Variants in KHDRBS2 observed in about 807,000 individuals in gnomAD.
KHDRBS2 encodes KH RNA binding domain containing, signal transduction associated 2, also known as KH domain-containing, RNA-binding, signal transduction-associated protein 2.
A neutral mutation model predicts 44.3 loss-of-function variants in KHDRBS2; 26 were observed. The observed-to-expected ratio is 0.59, with a 90% CI of 0.43 to 0.81. The LOEUF is 0.81. Among genes scored for constraint, KHDRBS2 ranks in the 40% least tolerant of loss-of-function variants. KHDRBS2 has a pLI of 0.00. For missense variants in KHDRBS2, 476 were observed against 433.1 expected, an observed-to-expected ratio of 1.10 and a Z score of -0.88; for synonymous variants, 194 against 151.1, an observed-to-expected ratio of 1.28 and a Z score of -2.08.
At chr6:61,975,632 G>T (rs1370607282) in intron 4 of KHDRBS2, among the ~76,000 whole-genome samples, 2 of 141,518 alleles carry the variant, frequency 1.4e-5, no homozygotes, top group Non-Finnish European at 3.0e-5. Context: ...TTCTAGCACA[G>T]AAATCAAAGA....
In KHDRBS2 at chr6:61,745,588, A is replaced by G. The variant is rs559341139; in HGVS notation, c.811-12824T>C. 2.6e-5 allele frequency among the ~76,000 whole-genome samples: 4 copies of G among 152,294 alleles called. No individual in the cohort carries two copies. The South Asian group carries it at 8.3e-4, about 32-fold the overall frequency. On this transcript the variant is annotated intron_variant, in intron 6 of 8. Coordinates refer to ENST00000281156, the MANE Select transcript of KHDRBS2 (RefSeq NM_152688.4). ...CTTCTAATACACTCACCAGAAAGAG[A>G]CAGATAAAATTGTTAATGCTGTCAT...
chr6:61,715,995 A>G (rs1265564041), intron 7 of KHDRBS2, among the ~76,000 whole-genome samples: 1 of 150,644 alleles, frequency 6.6e-6, no homozygotes, highest in Non-Finnish European at 1.5e-5. Context: ...TTTTTTTTCC[A>G]TTCTCGAACC....
At chr6:61,907,393 G>A (rs1805232575) in intron 4 of KHDRBS2, among the ~76,000 whole-genome samples, 1 of 152,254 alleles carries the variant, frequency 6.6e-6, no homozygotes, top group African/African-American at 2.4e-5. Context: ...TTGCTGTGCA[G>A]AAGCCTTTTA....
At position 62,217,072 on chromosome 6, in the gene KHDRBS2, T is replaced by C. The variant is rs1017312701; in HGVS notation, c.92-39760A>G. On this transcript the variant is annotated intron_variant, in intron 1 of 8. Transcript: ENST00000281156. ...TGCCAAAGAACAAACCCTGACACTA[T>C]GTTATTTTCATCTACAACATCTGTG... Among the ~76,000 whole-genome samples the C allele has an allele frequency of 4.0e-5, 6 of 150,232 alleles. 1 individual carries two copies. Among genetic ancestry groups the C allele is most frequent in the African/African-American group, 7.3e-5 (3 of 41,038 alleles).
At chr6:61,769,650 C>T (rs914771129) in intron 6 of KHDRBS2, among the ~76,000 whole-genome samples, 10 of 152,162 alleles carry the variant, frequency 6.6e-5, no homozygotes, top group African/African-American at 1.4e-4. Context: ...CCGCCATTGC[C>T]GAGTTACTTG....
the KHDRBS2 span, among the ~76,000 whole-genome samples, chr6:61,584,262 G>A: frequency 1.3e-5 from 2 of 151,788 alleles, no homozygotes; most frequent in Non-Finnish European, 3.0e-5. Flanking sequence ...AAATAGAAGT[G>A]ATGAAAGTAT....
intron 6 of KHDRBS2, among the ~76,000 whole-genome samples, chr6:61,836,607 T>A (rs746409592): frequency 2.6e-5 from 4 of 152,046 alleles, no homozygotes; most frequent in Non-Finnish European, 4.4e-5. Flanking sequence ...TGAATCTAAT[T>A]TGTATTCAGA....
chr6:62,163,490 G>T (rs1167924767), intron 2 of KHDRBS2, among the ~76,000 whole-genome samples: 1 of 151,880 alleles, frequency 6.6e-6, no homozygotes, highest in African/African-American at 2.4e-5. Context: ...TCCTAAATTG[G>T]GTAGAACATT....
At chr6:61,794,494 C>T (rs1157362520) in intron 6 of KHDRBS2, among the ~76,000 whole-genome samples, 1 of 152,054 alleles carries the variant, frequency 6.6e-6, no homozygotes, top group African/African-American at 2.4e-5. Flanking sequence ...TTACCTAGTG[C>T]AAAATTTTAA....
intron 7 of KHDRBS2, among the ~76,000 whole-genome samples, chr6:61,718,554 A>G (rs1235416572): frequency 6.6e-6 from 1 of 151,968 alleles, no homozygotes; most frequent in East Asian, 1.9e-4. Context: ...AACACCGTCT[A>G]TTGGATTGGT....
intron 2 of KHDRBS2, among the ~76,000 whole-genome samples, chr6:62,069,697 C>T (rs1224105990): frequency 1.3e-5 from 2 of 151,740 alleles, no homozygotes; most frequent in Non-Finnish European, 2.9e-5. Context: ...GCCTTCAACC[C>T]TTGAGTTCAC....
At chr6:62,205,472 G>C (rs1827789374) in intron 1 of KHDRBS2, among the ~76,000 whole-genome samples, 1 of 152,048 alleles carries the variant, frequency 6.6e-6, no homozygotes, top group Middle Eastern at 3.2e-3. Flanking sequence ...CTTTATTACT[G>C]GCTGTGTTTG....
intron 6 of KHDRBS2, among the ~76,000 whole-genome samples, chr6:61,766,172 T>C (rs1253827737): frequency 1.3e-5 from 2 of 152,048 alleles, no homozygotes; most frequent in Non-Finnish European, 1.5e-5. Context: ...ATTGGTCTGG[T>C]CAAATTTTAA....
chr6:62,232,524 C>A (rs1171796203), intron 1 of KHDRBS2, among the ~76,000 whole-genome samples: 6 of 151,944 alleles, frequency 3.9e-5, no homozygotes, highest in Non-Finnish European at 7.4e-5. Context: ...AAAAAAACCA[C>A]CAACAACAAC....
At chr6:61,878,594 A>T (rs1799776919) in intron 6 of KHDRBS2, among the ~76,000 whole-genome samples, 1 of 152,034 alleles carries the variant, frequency 6.6e-6, no homozygotes, top group African/African-American at 2.4e-5. Flanking sequence ...TATTGGTTGA[A>T]TTATTCAATT....
chr6:61,553,292 A>C, the KHDRBS2 span, among the ~76,000 whole-genome samples: 1 of 151,958 alleles, frequency 6.6e-6, no homozygotes, highest in Non-Finnish European at 1.5e-5. Flanking sequence ...GTGTGTATAG[A>C]GGTATTTGTA....
At chr6:62,160,496 C>A (rs1232989095) in intron 2 of KHDRBS2, among the ~76,000 whole-genome samples, 3 of 152,100 alleles carry the variant, frequency 2.0e-5, no homozygotes, top group Admixed American at 1.3e-4. Context: ...TGGTAATGGG[C>A]AGTTAGCTCT....
At chr6:62,227,088 A>G (rs1832003157) in intron 1 of KHDRBS2, among the ~76,000 whole-genome samples, 1 of 152,180 alleles carries the variant, frequency 6.6e-6, no homozygotes, top group South Asian at 2.1e-4. Flanking sequence ...TGGGAACAGC[A>G]CTGAATTTAT....
At chr6:62,033,874 T>C (rs1182885014) in intron 3 of KHDRBS2, among the ~76,000 whole-genome samples, 1 of 151,114 alleles carries the variant, frequency 6.6e-6, no homozygotes, top group Non-Finnish European at 1.5e-5. Context: ...TTAAAAAAAT[T>C]GACAAACCTT....
Sources: allele counts gnomAD v4.1 joint callset (sites outside exome capture counted in the v4.1 genomes callset), GRCh38; gene constraint gnomAD v4.1.1; transcripts MANE v1.5; gene names NCBI Gene and HGNC (gene_info 2026-07-23, HGNC 2026-07-21).